Variants in INSR observed in about 807,000 individuals in gnomAD.
INSR encodes the protein insulin receptor, also known as IR.
INSR carries 67 observed loss-of-function variants against 142.6 expected under a neutral mutation model. The observed-to-expected ratio is 0.47, with a 90% CI of 0.39 to 0.58. INSR has a LOEUF of 0.58. Ranked by LOEUF, INSR falls within the 20% of genes least tolerant of loss-of-function variation. The pLI, the probability that INSR is intolerant of heterozygous loss-of-function variation, is 0.00. For synonymous variants in INSR, 756 were observed against 743.1 expected (o/e 1.02, Z -0.28); for missense variants, 1,248 against 1,833.2 (o/e 0.68, Z 5.83).
At chr19:7,126,739 G>A in intron 15 of INSR, 88 bp from the exon 16 acceptor site, 1 of 1,188,858 alleles carries the variant, frequency 8.4e-7, no homozygotes, top group Non-Finnish European at 1.2e-6. Context: ...CAAGGCAAAT[G>A]GCAGCCCTTA....
chr19:7,184,060 C>CAAA lies in INSR; in HGVS notation c.974+253_974+255dup, dbSNP rs533682498. Among the ~76,000 whole-genome samples the CAAA allele has an allele frequency of 3.5e-5, 3 of 85,120 alleles. 1 individual carries two copies. The highest frequency in any genetic ancestry group is 4.9e-5 in the African/African-American group (1 of 20,598). 55.8% of individuals were successfully genotyped at this position (85,120 alleles called of 152,430 possible). On this transcript the variant is annotated intron_variant, in intron 3 of 21. Coordinates refer to ENST00000302850, the MANE Select transcript of INSR (RefSeq NM_000208.4). ...GGAGTCTTGCGGCAAGACTCCATCTCAAAAAAAAAAAAAAAGAATGGTGGG... is the reference window on the plus strand; with the variant it reads ...GGAGTCTTGCGGCAAGACTCCATCTCAAAAAAAAAAAAAAAAAAGAATGGTGGG...
At chr19:7,209,470 C>G (rs1975212077) in intron 2 of INSR, among the ~76,000 whole-genome samples, 1 of 152,132 alleles carries the variant, frequency 6.6e-6, no homozygotes, top group East Asian at 1.9e-4. Context: ...TTCTCTGTCA[C>G]CCAGGCTGCC....
chr19:7,270,339 T>TCTCTCA (rs1414011806), intron 1 of INSR, among the ~76,000 whole-genome samples: 22 of 120,308 alleles, frequency 1.8e-4, no homozygotes, highest in Non-Finnish European at 3.7e-4. Flanking sequence ...TCTCTCTCTC[T>TCTCTCA]CACACACACA....
Position 7,115,910 on chromosome 19 carries a change from G to C in INSR, c.*1146C>G, listed in dbSNP as rs543466059. On this transcript the variant is annotated 3_prime_UTR_variant, in exon 22 of 22. Coordinates refer to ENST00000302850, the MANE Select transcript of INSR (RefSeq NM_000208.4). ...GGATGCCTTTAAGACCAAACAAAGA[G>C]GCCACTTGTGCCTGACTCCCTCCCC... 1 of 152,070 alleles carries C rather than the reference G, an allele frequency of 6.6e-6. No individual in the cohort carries two copies. The highest frequency in any genetic ancestry group is 1.5e-5 in the Non-Finnish European group (1 of 68,028). The allele number at this position is 152,070 out of a possible 1,614,324, so 9.4% of individuals were successfully genotyped here.
chr19:7,143,177 A>G lies in INSR; in HGVS notation c.2268-87T>C, dbSNP rs1599897832. The G allele has an allele frequency of 2.7e-6, 4 of 1,475,514 alleles. No individual in the cohort carries two copies. In the East Asian group the frequency reaches 9.1e-5, roughly 33 times the overall value. The allele number at this position is 1,475,514 out of a possible 1,614,324, so 91.4% of individuals were successfully genotyped here. ...CACTGGAGAATAAAAGGCTTGATTA[A>G]GAAGAAAGATCAGAGCGCAGGAGGG... On this transcript the variant is annotated intron_variant, in intron 11 of 21. Coordinates refer to ENST00000302850, the MANE Select transcript of INSR (RefSeq NM_000208.4).
chr19:7,242,134 C>T (rs913865077), intron 2 of INSR, among the ~76,000 whole-genome samples: 2 of 137,842 alleles, frequency 1.5e-5, no homozygotes, highest in African/African-American at 5.7e-5. Context: ...GCCTGGGTGA[C>T]AGAGTGAGAC....
chr19:7,117,040 G>C lies in INSR; in HGVS notation c.*16C>G. 10 of 1,478,038 alleles carry C rather than the reference G, an allele frequency of 6.8e-6. No homozygotes were observed. Among genetic ancestry groups the C allele is most frequent in the East Asian group, 2.9e-5 (1 of 34,804 alleles). The allele number at this position is 1,478,038 out of a possible 1,614,324, so 91.6% of individuals were successfully genotyped here. A position where few individuals can be genotyped will look rare whatever the true frequency, so the allele number is the denominator to read the frequency against. On this transcript the variant is annotated 3_prime_UTR_variant, in exon 22 of 22. Coordinates refer to ENST00000302850, the MANE Select transcript of INSR (RefSeq NM_000208.4). Reference sequence around the variant, plus strand: ...AAAATGGGAACCCCTGCCCGCCCCCGCCACGGTAGGCACTGTTAGGAAGGA... The same window carrying C: ...AAAATGGGAACCCCTGCCCGCCCCCCCCACGGTAGGCACTGTTAGGAAGGA...
At chr19:7,191,946 G>A (rs1599975806) in intron 2 of INSR, among the ~76,000 whole-genome samples, 4 of 135,152 alleles carry the variant, frequency 3.0e-5, no homozygotes. Context: ...AGGAAGGAAG[G>A]AGAGAGATAA....
rs749002768 is a variant in INSR, at chr19:7,125,401, T to C, written c.3140A>G (p.Lys1047Arg). Residue 1047 changes from lysine to arginine, a missense_variant, in exon 17 of 22, where the codon AAG becomes AGG. Lys to Arg is a conservative substitution (Grantham distance 26). Coordinates refer to ENST00000302850, the MANE Select transcript of INSR (RefSeq NM_000208.4). This position sits in a 1 kb window ranked among gnomAD's most constrained non-coding sequence, Gnocchi z 4.9. ...VYEGNARDII[K>R]GEAETRVAVK... ...CGCCACGCGGGTCTCTGCCTCACCC[T>C]TGATGATGTCCCTGGCATTGCCCTC... 1.2e-6 allele frequency: 2 copies of C among 1,614,140 alleles called. No homozygotes were observed. The highest frequency in any genetic ancestry group is 3.3e-5 in the Admixed American group (2 of 60,018).
intron 2 of INSR, among the ~76,000 whole-genome samples, chr19:7,224,965 GAGACAGACAGAC>G (rs561913561): frequency 2.0e-5 from 3 of 151,488 alleles, no homozygotes; most frequent in Non-Finnish European, 2.9e-5. Context: ...GGATGAGAGA[GAGACAGACAGAC>G]AGACAGACAG....
At chr19:7,211,179 A>C (rs4804395) in intron 2 of INSR, among the ~76,000 whole-genome samples, 1 of 151,954 alleles carries the variant, frequency 6.6e-6, no homozygotes. Flanking sequence ...CGATTCTCCC[A>C]CCTCAGCCTC....
At position 7,128,872 on chromosome 19, in the gene INSR, A is replaced by T. The variant is rs775484830; in HGVS notation, c.2925T>A (p.Ile975=). The change falls in exon 15 of 22, where the codon ATT becomes ATA. Residue 975 remains isoleucine, a synonymous_variant. Coordinates refer to ENST00000302850, the MANE Select transcript of INSR (RefSeq NM_000208.4). ...VFLFSVVIGS[I]YLFLRKRQPD... The stretch of plus-strand genomic sequence containing the variant: ...CTCACCTCTTTCTCAGGAATAGATA[A>T]ATACTTCCAATCACAACACTGAAGA... The T allele has an allele frequency of 3.7e-6, 6 of 1,613,518 alleles. No homozygotes were observed. Among genetic ancestry groups the T allele is most frequent in the Non-Finnish European group, 5.1e-6 (6 of 1,179,410 alleles).
At chr19:7,153,775 G>A (rs184719037) in intron 9 of INSR, among the ~76,000 whole-genome samples, 8 of 152,140 alleles carry the variant, frequency 5.3e-5, no homozygotes, top group Admixed American at 2.6e-4. Flanking sequence ...TGGCACTTTC[G>A]GAGGCCGAGG....
At position 7,269,038 on chromosome 19, in the gene INSR, C is replaced by A. The variant is rs200379098; in HGVS notation, c.101-1142G>T. Among the ~76,000 whole-genome samples, 316 of 146,946 alleles carry A rather than the reference C, an allele frequency of 2.2e-3. 3 individuals carry two copies. The highest frequency in any genetic ancestry group is 0.016 in the East Asian group (76 of 4,876). ...TCTCTCTGCCAACACACCCACACACCCACACACACACACACACACACACCG... is the reference window on the plus strand; with the variant it reads ...TCTCTCTGCCAACACACCCACACACACACACACACACACACACACACACCG... On this transcript the variant is annotated intron_variant, in intron 1 of 21. Coordinates refer to ENST00000302850, the MANE Select transcript of INSR (RefSeq NM_000208.4).
chr19:7,178,463 G>C (rs1489767601), intron 3 of INSR, among the ~76,000 whole-genome samples: 1 of 152,152 alleles, frequency 6.6e-6, no homozygotes, highest in Non-Finnish European at 1.5e-5. Flanking sequence ...CCTCACGCCT[G>C]TAATCCTAGC....
chr19:7,153,703 G>A (rs1298288554), intron 9 of INSR, among the ~76,000 whole-genome samples: 1 of 152,040 alleles, frequency 6.6e-6, no homozygotes, highest in African/African-American at 2.4e-5. Flanking sequence ...GGGTGACAGA[G>A]TAGAACCCTG....
chr19:7,135,922 C>T (rs549462810), intron 13 of INSR, among the ~76,000 whole-genome samples: 13 of 150,124 alleles, frequency 8.7e-5, no homozygotes, highest in Non-Finnish European at 1.8e-4. Context: ...GAGCCAAGAT[C>T]GTACCAATGC....
In INSR at chr19:7,258,944, TCTTC is replaced by T. The variant is rs541894997; in HGVS notation, c.652+8397_652+8400del. ...TCCTTCCTTCCCTCCTTCCTTTCCTTCTTCCTTCCTTCCTTCCCTCCTTCCTTTT... is the reference window on the plus strand; with the variant it reads ...TCCTTCCTTCCCTCCTTCCTTTCCTTCTTCCTTCCTTCCCTCCTTCCTTTT... On this transcript the variant is annotated intron_variant, in intron 2 of 21. Coordinates refer to ENST00000302850, the MANE Select transcript of INSR (RefSeq NM_000208.4). 3.5e-4 allele frequency among the ~76,000 whole-genome samples: 49 copies of T among 141,812 alleles called. 3 individuals carry two copies. Among genetic ancestry groups the T allele is most frequent in the African/African-American group, 7.3e-4 (28 of 38,398 alleles). The allele number at this position is 141,812 out of a possible 152,430, so 93.0% of individuals were successfully genotyped here.
At chr19:7,248,505 A>AAAAAG (rs1555686588) in intron 2 of INSR, among the ~76,000 whole-genome samples, 6 of 130,454 alleles carry the variant, frequency 4.6e-5, no homozygotes, top group African/African-American at 8.2e-5. Context: ...AAAAAAAAAA[A>AAAAAG]AAAGCATGAC....
Sources: gnomAD v4.1 joint callset for allele counts (sites outside exome capture counted in the v4.1 genomes callset) on GRCh38, gnomAD v4.1.1 for gene constraint, Gnocchi (gnomAD v3.1) non-coding constraint, MANE v1.5 for transcripts, NCBI Gene and HGNC (gene_info 2026-07-23, HGNC 2026-07-21) for gene names.